Variants in CAMK1D observed in about 807,000 individuals in gnomAD.
The protein encoded by CAMK1D is calcium/calmodulin dependent protein kinase ID.
CAMK1D carries 9 observed loss-of-function variants against 47.7 expected under a neutral mutation model. The observed-to-expected ratio is 0.19, with a 90% CI of 0.11 to 0.33. The LOEUF (loss-of-function observed/expected upper bound fraction) is 0.33. Ranked by LOEUF, CAMK1D falls within the 10% of genes least tolerant of loss-of-function variation. The pLI is 1.00. For synonymous variants in CAMK1D, 184 were observed against 184.9 expected, an observed-to-expected ratio of 0.99 and a Z score of 0.04; for missense variants, 291 against 488.7, an observed-to-expected ratio of 0.60 and a Z score of 3.81.
intron 1 of CAMK1D, among the ~76,000 whole-genome samples, chr10:12,493,239 A>G (rs1262497631): frequency 1.3e-5 from 2 of 152,052 alleles, no homozygotes; most frequent in Non-Finnish European, 2.9e-5. Context: ...AATGATTTCT[A>G]TAAGGGTTGA....
chr10:12,500,831 T>C (rs1020024616), intron 1 of CAMK1D, among the ~76,000 whole-genome samples: 6 of 152,268 alleles, frequency 3.9e-5, no homozygotes, highest in African/African-American at 1.4e-4. Context: ...AAAAATGACA[T>C]GATCAAATTC....
intron 3 of CAMK1D, among the ~76,000 whole-genome samples, chr10:12,732,664 ACCCCCGCCC>A (rs774115473): frequency 3.6e-5 from 4 of 111,654 alleles, no homozygotes; most frequent in South Asian, 2.9e-4. Flanking sequence ...TTATTCAATT[ACCCCCGCCC>A]CCCCCGCCCC....
intron 1 of CAMK1D, among the ~76,000 whole-genome samples, chr10:12,369,932 A>G (rs937197469): frequency 6.6e-5 from 10 of 150,940 alleles, no homozygotes; most frequent in Admixed American, 3.3e-4. Context: ...CTCCAGTCTG[A>G]GTAACAGAGT....
chr10:12,652,444 C>T (rs1338899517), intron 2 of CAMK1D, among the ~76,000 whole-genome samples: 10 of 146,018 alleles, frequency 6.8e-5, no homozygotes, highest in Non-Finnish European at 1.1e-4. Context: ...AAAAAAAAGC[C>T]GGGCGTGGTG....
chr10:12,392,017 A>ACACACACACACACACACACACACACAC (rs34312096), intron 1 of CAMK1D, among the ~76,000 whole-genome samples: 5 of 147,208 alleles, frequency 3.4e-5, no homozygotes, highest in African/African-American at 1.3e-4. Flanking sequence ...ACACACACAC[A>ACACACACACACACACACACACACACAC]AACAGTCTGG....
intron 2 of CAMK1D, among the ~76,000 whole-genome samples, chr10:12,637,646 G>A (rs929944291): frequency 2.0e-5 from 3 of 151,642 alleles, no homozygotes; most frequent in Non-Finnish European, 4.4e-5. Context: ...GGGGTGGGAA[G>A]TAAGCATACA....
chr10:12,587,067 A>G (rs1222960280), intron 2 of CAMK1D, among the ~76,000 whole-genome samples: 1 of 152,090 alleles, frequency 6.6e-6, no homozygotes, highest in Admixed American at 6.6e-5. Context: ...AGCGGTTTTG[A>G]CTTAATTCAC....
In CAMK1D at chr10:12,538,369, G is replaced by A. The variant is rs113663799; in HGVS notation, c.93-14856G>A. Among the ~76,000 whole-genome samples the A allele has an allele frequency of 4.6e-4, 70 of 152,270 alleles. 1 individual carries two copies. The highest frequency in any genetic ancestry group is 1.7e-3 in the African/African-American group (69 of 41,540). On this transcript the variant is annotated intron_variant, in intron 1 of 10. Transcript: ENST00000619168. ...ATGGTGATTTGTTCCTGCAGGTGAAGGGAAGGGAACAGTGACTGGAGAAAG... is the reference window on the plus strand; with the variant it reads ...ATGGTGATTTGTTCCTGCAGGTGAAAGGAAGGGAACAGTGACTGGAGAAAG...
chr10:12,449,421 A>G (rs1265015078), intron 1 of CAMK1D, among the ~76,000 whole-genome samples: 1 of 151,838 alleles, frequency 6.6e-6, no homozygotes, highest in Non-Finnish European at 1.5e-5. Context: ...TGTATACCCT[A>G]GGTCAGGCCA....
chr10:12,592,588 TCA>T (rs1392411882), intron 2 of CAMK1D, among the ~76,000 whole-genome samples: 1 of 152,196 alleles, frequency 6.6e-6, no homozygotes, highest in Non-Finnish European at 1.5e-5. Flanking sequence ...TGACGTTTTC[TCA>T]GTTTTATGTG....
At chr10:12,423,348 T>C (rs1270065146) in intron 1 of CAMK1D, among the ~76,000 whole-genome samples, 1 of 152,098 alleles carries the variant, frequency 6.6e-6, no homozygotes, top group Admixed American at 6.5e-5. Flanking sequence ...ACCCCATCTC[T>C]ACAAAAAAGT....
At chr10:12,382,938 A>ATT (rs754496255) in intron 1 of CAMK1D, among the ~76,000 whole-genome samples, 7 of 144,808 alleles carry the variant, frequency 4.8e-5, no homozygotes, top group African/African-American at 7.6e-5. Context: ...GCAAGTAGCA[A>ATT]TTTTTTTTTT....
At chr10:12,376,162 C>CAAAAAAAAA (rs59804213) in intron 1 of CAMK1D, among the ~76,000 whole-genome samples, 80 of 59,854 alleles carry the variant, frequency 1.3e-3, no homozygotes, top group East Asian at 1.8e-3. Context: ...GACTCTGTCC[C>CAAAAAAAAA]AAAAAAAAAA....
intron 1 of CAMK1D, among the ~76,000 whole-genome samples, chr10:12,530,155 G>A (rs1835757810): frequency 6.6e-6 from 1 of 152,230 alleles, no homozygotes; most frequent in Admixed American, 6.5e-5. Context: ...TTTGGATCAA[G>A]GTCTGGCCGG....
intron 2 of CAMK1D, among the ~76,000 whole-genome samples, chr10:12,612,127 T>G (rs1306494360): frequency 6.6e-6 from 1 of 152,198 alleles, no homozygotes; most frequent in African/African-American, 2.4e-5. Flanking sequence ...TCTCTTTCTC[T>G]GGGACCTTAA....
At chr10:12,730,409 A>G (rs1175013065) in intron 3 of CAMK1D, among the ~76,000 whole-genome samples, 2 of 152,122 alleles carry the variant, frequency 1.3e-5, no homozygotes, top group East Asian at 3.9e-4. Context: ...TCATTCTTGG[A>G]TGTGCTGAGT....
chr10:12,444,936 G>A (rs1382687691), intron 1 of CAMK1D, among the ~76,000 whole-genome samples: 1 of 152,136 alleles, frequency 6.6e-6, no homozygotes, highest in Non-Finnish European at 1.5e-5. Context: ...AAAGGGGATG[G>A]GATTCGCTAC....
intron 1 of CAMK1D, among the ~76,000 whole-genome samples, chr10:12,425,913 A>C (rs1840214244): frequency 6.6e-6 from 1 of 152,244 alleles, no homozygotes; most frequent in South Asian, 2.1e-4. Context: ...TTTTGCATGC[A>C]CTGGTGGAAG....
intron 2 of CAMK1D, among the ~76,000 whole-genome samples, chr10:12,555,828 G>T (rs1836743016): frequency 6.6e-6 from 1 of 152,178 alleles, no homozygotes; most frequent in Admixed American, 6.5e-5. Context: ...GAGGAAGTCA[G>T]TTTCATTTTT....
Sources: allele counts gnomAD v4.1 joint callset (sites outside exome capture counted in the v4.1 genomes callset), GRCh38; gene constraint gnomAD v4.1.1; transcripts MANE v1.5; gene names NCBI Gene and HGNC (gene_info 2026-07-23, HGNC 2026-07-21).